ARHGEF28: variants seen among roughly 807,000 people sequenced by gnomAD.
ARHGEF28 encodes the protein 190 kDa guanine nucleotide exchange factor.
A neutral mutation model predicts 206.6 loss-of-function variants in ARHGEF28; 152 were observed. That is an observed-to-expected ratio of 0.74 (90% CI 0.64 to 0.84). The LOEUF is 0.84. ARHGEF28 is among the 40% of genes least tolerant of loss of function. ARHGEF28 has a pLI of 0.00. For synonymous variants in ARHGEF28, 763 were observed against 776.4 expected (o/e 0.98, Z 0.29); for missense variants, 2,028 against 2,073.2 (o/e 0.98, Z 0.42).
At chr5:73,886,307 A>G (rs937241924) in intron 25 of ARHGEF28, among the ~76,000 whole-genome samples, 12 of 152,230 alleles carry the variant, frequency 7.9e-5, no homozygotes, top group African/African-American at 2.9e-4. Context: ...GCCCAAGCTA[A>G]AACCTTTATA....
At chr5:73,652,008 G>A (rs1936873964) in intron 1 of ARHGEF28, among the ~76,000 whole-genome samples, 1 of 152,176 alleles carries the variant, frequency 6.6e-6, no homozygotes, top group African/African-American at 2.4e-5. Context: ...GTTCCGTTGG[G>A]CCTCAAGTGC....
chr5:73,938,235 T>G (rs745425476), intron 35 of ARHGEF28, among the ~76,000 whole-genome samples: 47 of 150,984 alleles, frequency 3.1e-4, no homozygotes, highest in Non-Finnish European at 1.6e-4. Flanking sequence ...TTCTTGGTTC[T>G]GTATCTTCTT....
intron 2 of ARHGEF28, among the ~76,000 whole-genome samples, chr5:73,708,891 A>G (rs1749089145): frequency 6.6e-6 from 1 of 152,106 alleles, no homozygotes; most frequent in Non-Finnish European, 1.5e-5. Flanking sequence ...TGACTTTTTA[A>G]TAGTAGCCAT....
intron 35 of ARHGEF28, among the ~76,000 whole-genome samples, chr5:73,925,847 C>G (rs1483811365): frequency 6.6e-6 from 1 of 152,184 alleles, no homozygotes; most frequent in Non-Finnish European, 1.5e-5. Context: ...TTATCCCTTC[C>G]TTGTTGATGG....
intron 35 of ARHGEF28, among the ~76,000 whole-genome samples, chr5:73,916,515 G>T (rs1434296700): frequency 6.6e-6 from 1 of 152,162 alleles, no homozygotes; most frequent in Non-Finnish European, 1.5e-5. Context: ...CTTGACTTGC[G>T]GATGAGATGG....
intron 2 of ARHGEF28, among the ~76,000 whole-genome samples, chr5:73,737,717 A>G (rs187279143): frequency 6.6e-6 from 1 of 152,014 alleles, no homozygotes; most frequent in East Asian, 1.9e-4. Context: ...GGGTTTCACC[A>G]TATTGGCCAG....
At chr5:73,917,100 G>A (rs1301287698) in intron 35 of ARHGEF28, among the ~76,000 whole-genome samples, 1 of 152,116 alleles carries the variant, frequency 6.6e-6, no homozygotes, top group African/African-American at 2.4e-5. Context: ...CCATGCCTAG[G>A]CCTTAACTAA....
intron 6 of ARHGEF28, among the ~76,000 whole-genome samples, chr5:73,777,334 G>A (rs1580604408): frequency 6.6e-6 from 1 of 152,014 alleles, no homozygotes; most frequent in East Asian, 1.9e-4. Context: ...TTTTGAGTAA[G>A]GCTTGAATAA....
rs552180553 is a variant in ARHGEF28 at position 73,858,770 on chromosome 5, G to A, written c.2047+551G>A. Among the ~76,000 whole-genome samples, 8 of 152,284 alleles carry A rather than the reference G, an allele frequency of 5.3e-5. No homozygotes were observed. In the South Asian group the frequency reaches 1.7e-3, roughly 32 times the overall value. On this transcript the variant is annotated intron_variant, in intron 16 of 35. Transcript: ENST00000513042. ...GTCTGTTCTCAAAGCATTAGCCAGA[G>A]TGAGCTGGTAAAGGCATATATCACT...
intron 9 of ARHGEF28, among the ~76,000 whole-genome samples, chr5:73,808,410 A>C (rs1226822096): frequency 1.3e-5 from 2 of 152,158 alleles, no homozygotes; most frequent in African/African-American, 4.8e-5. Context: ...GTCTTGGCAC[A>C]AGGGTAAGAG....
chr5:73,704,361 A>G (rs2112293707), intron 2 of ARHGEF28, among the ~76,000 whole-genome samples: 1 of 152,326 alleles, frequency 6.6e-6, no homozygotes. Flanking sequence ...TGCAAACATG[A>G]CCAGTGCAGA....
intron 35 of ARHGEF28, among the ~76,000 whole-genome samples, chr5:73,920,998 G>A (rs183140611): frequency 9.9e-5 from 15 of 152,144 alleles, no homozygotes; most frequent in Admixed American, 9.8e-4. Flanking sequence ...ATGACATCAA[G>A]CATGGGTGGC....
chr5:73,913,440 C>A (rs1416436492), intron 35 of ARHGEF28, among the ~76,000 whole-genome samples: 1 of 152,218 alleles, frequency 6.6e-6, no homozygotes, highest in Non-Finnish European at 1.5e-5. Context: ...AGGATATATA[C>A]ACTTAAAAGA....
chr5:73,854,649 G>A (rs912314676), intron 14 of ARHGEF28, among the ~76,000 whole-genome samples: 1 of 152,068 alleles, frequency 6.6e-6, no homozygotes, highest in South Asian at 2.1e-4. Context: ...TAGTCAACAT[G>A]AGGAAACCCT....
chr5:73,690,705 A>G (rs2112262996), intron 2 of ARHGEF28, among the ~76,000 whole-genome samples: 1 of 152,212 alleles, frequency 6.6e-6, no homozygotes, highest in East Asian at 1.9e-4. Flanking sequence ...CTCAACAAAA[A>G]CAAAAGCTGT....
chr5:73,768,797 A>G (rs1402236729), intron 4 of ARHGEF28, among the ~76,000 whole-genome samples: 1 of 152,054 alleles, frequency 6.6e-6, no homozygotes, highest in Non-Finnish European at 1.5e-5. Context: ...GAAGAATGAT[A>G]TGATTTGGCT....
chr5:73,765,846 A>G (rs925024275), intron 4 of ARHGEF28, among the ~76,000 whole-genome samples: 29 of 152,228 alleles, frequency 1.9e-4, no homozygotes, highest in African/African-American at 6.0e-4. Context: ...TCAAAAAAAA[A>G]TTAGTCTTCT....
intron 2 of ARHGEF28, among the ~76,000 whole-genome samples, chr5:73,731,249 T>G (rs921552518): frequency 2.0e-5 from 3 of 152,146 alleles, no homozygotes; most frequent in South Asian, 4.1e-4. Context: ...AAGGAGGGTA[T>G]AACCAGTTAA....
intron 35 of ARHGEF28, among the ~76,000 whole-genome samples, chr5:73,937,348 A>G (rs1764479532): frequency 1.3e-5 from 2 of 152,196 alleles, no homozygotes; most frequent in African/African-American, 4.8e-5. Context: ...AAGCTCAGTA[A>G]TGTAGCAGAA....
Sources: allele counts gnomAD v4.1 joint callset (sites outside exome capture counted in the v4.1 genomes callset), GRCh38; gene constraint gnomAD v4.1.1; transcripts MANE v1.5; gene names NCBI Gene and HGNC (gene_info 2026-07-23, HGNC 2026-07-21).